Variants in ATXN7 observed in about 807,000 individuals in gnomAD.
ATXN7 encodes the protein ataxin 7.
ATXN7 carries 12 observed loss-of-function variants against 70.5 expected under a neutral mutation model. The observed-to-expected ratio is 0.17, with a 90% CI of 0.11 to 0.28. ATXN7 has a LOEUF of 0.28. ATXN7 is among the 10% of genes least tolerant of loss of function. The pLI, the probability that ATXN7 is intolerant of heterozygous loss-of-function variation, is 1.00. For synonymous variants in ATXN7, 498 were observed against 448.7 expected (o/e 1.11, Z -1.39); for missense variants, 1,256 against 1,131.7 (o/e 1.11, Z -1.58).
chr3:63,939,538 C>G (rs1283433085), intron 4 of ATXN7, among the ~76,000 whole-genome samples: 1 of 152,098 alleles, frequency 6.6e-6, no homozygotes, highest in African/African-American at 2.4e-5. Context: ...GAGTAAGGAC[C>G]TCCAAAAATC....
At chr3:63,912,394 C>T (rs1041655244) in intron 2 of ATXN7, among the ~76,000 whole-genome samples, 194 bp from the exon 3 acceptor site, 2 of 151,470 alleles carry the variant, frequency 1.3e-5, no homozygotes, top group African/African-American at 2.4e-5. Context: ...GAAAGCTAGC[C>T]CGCGCCGCGG....
chr3:63,981,698 T>C (rs756298518), intron 6 of ATXN7, among the ~76,000 whole-genome samples: 5 of 152,216 alleles, frequency 3.3e-5, no homozygotes, highest in African/African-American at 7.2e-5. Flanking sequence ...CTTGGAGATA[T>C]GTTATTTAGC....
At chr3:63,885,852 C>T (rs1009812302) in intron 1 of ATXN7, among the ~76,000 whole-genome samples, 23 of 152,030 alleles carry the variant, frequency 1.5e-4, no homozygotes, top group Non-Finnish European at 7.4e-5. Flanking sequence ...CCCATTTCTA[C>T]TAAAAATACA....
intron 2 of ATXN7, among the ~76,000 whole-genome samples, chr3:63,907,839 T>TA (rs1703894404): frequency 6.6e-6 from 1 of 152,178 alleles, no homozygotes; most frequent in Non-Finnish European, 1.5e-5. Flanking sequence ...AAGTTCGTCA[T>TA]AAAATTACAA....
At chr3:63,893,750 T>C (rs1205383477) in intron 1 of ATXN7, among the ~76,000 whole-genome samples, 1 of 152,180 alleles carries the variant, frequency 6.6e-6, no homozygotes, top group African/African-American at 2.4e-5. Flanking sequence ...TGATCTTCAG[T>C]GGAGTAACTC....
intron 5 of ATXN7, among the ~76,000 whole-genome samples, chr3:63,968,721 TAA>T: frequency 6.6e-6 from 1 of 152,202 alleles, no homozygotes; most frequent in East Asian, 1.9e-4. Context: ...CCAGCAGAGC[TAA>T]GCTGATTCTT....
At chr3:63,967,954 C>G in intron 5 of ATXN7, 1 of 1,535,914 alleles carries the variant, frequency 6.5e-7, no homozygotes, top group South Asian at 1.2e-5. Context: ...CCCTTCTGCG[C>G]AGGAGCTGAA....
chr3:63,991,678 G>C (rs1300892608), intron 11 of ATXN7, among the ~76,000 whole-genome samples: 1 of 152,168 alleles, frequency 6.6e-6, no homozygotes, highest in Non-Finnish European at 1.5e-5. Flanking sequence ...TTTCAGTGTT[G>C]AAGGTTTTAG....
chr3:63,988,990 G>A (rs1156767400), intron 9 of ATXN7, among the ~76,000 whole-genome samples: 1 of 152,156 alleles, frequency 6.6e-6, no homozygotes. Flanking sequence ...CTTCAGTGTT[G>A]GCCGTTCATT....
chr3:63,914,702 A>G (rs951201878), intron 4 of ATXN7, among the ~76,000 whole-genome samples: 2 of 152,224 alleles, frequency 1.3e-5, no homozygotes, highest in Admixed American at 1.3e-4. Flanking sequence ...GATTGTAATT[A>G]TCAATAATTC....
Position 63,998,166 on chromosome 3 carries a change from G to C in ATXN7, c.2662-1284G>C, listed in dbSNP as rs185061185. The stretch of plus-strand genomic sequence containing the variant: ...CTGTCTTCATTTAGACAGGAGTGTA[G>C]ATCTTAATGCCCACAAGTAACAAAA... On this transcript the variant is annotated intron_variant, in intron 12 of 12. Transcript: ENST00000674280. The C allele has an allele frequency of 6.3e-4, 560 of 895,300 alleles. 12 individuals carry two copies. In the Admixed American group the frequency reaches 0.042, roughly 67 times the overall value. 55.5% of individuals were successfully genotyped at this position (895,300 alleles called of 1,614,324 possible). A position where few individuals can be genotyped will look rare whatever the true frequency, so the allele number is the denominator to read the frequency against.
intron 2 of ATXN7, among the ~76,000 whole-genome samples, chr3:63,908,093 T>C (rs994694580): frequency 6.6e-6 from 1 of 152,216 alleles, no homozygotes; most frequent in African/African-American, 2.4e-5. Flanking sequence ...AATGAGTATG[T>C]GTACAGGTTG....
At chr3:63,912,980 T>TC in intron 3 of ATXN7, 57 bp downstream of exon 3, 1 of 785,360 alleles carries the variant, frequency 1.3e-6, no homozygotes, top group Non-Finnish European at 1.6e-6. Context: ...TCCTCTCTCC[T>TC]CCCCTCCCCC....
intron 9 of ATXN7, among the ~76,000 whole-genome samples, chr3:63,989,790 A>G (rs1559659664): frequency 6.6e-6 from 1 of 152,186 alleles, no homozygotes; most frequent in Non-Finnish European, 1.5e-5. Flanking sequence ...ATACCGAGGG[A>G]CAACTATGTT....
chr3:63,921,990 C>CA (rs1473067153), intron 4 of ATXN7, among the ~76,000 whole-genome samples: 2 of 152,128 alleles, frequency 1.3e-5, no homozygotes, highest in African/African-American at 4.8e-5. Context: ...TCTGGCATGA[C>CA]AGAGTGTAGC....
At chr3:63,958,862 C>T (rs1434466767) in intron 5 of ATXN7, among the ~76,000 whole-genome samples, 1 of 152,086 alleles carries the variant, frequency 6.6e-6, no homozygotes, top group Non-Finnish European at 1.5e-5. Context: ...ATATACCAAC[C>T]AGACCATCTT....
Position 63,996,465 on chromosome 3 carries a change from C to T in ATXN7, c.2643C>T (p.Asn881=), listed in dbSNP as rs374742012. 2 of 1,614,136 alleles carry T rather than the reference C, an allele frequency of 1.2e-6. No homozygotes were observed. The highest frequency in any genetic ancestry group is 1.1e-5 in the South Asian group (1 of 91,086). The change falls in exon 12 of 13, where the codon AAC becomes AAT. Residue 881 remains asparagine, a synonymous_variant. Coordinates refer to ENST00000674280, the MANE Select transcript of ATXN7 (RefSeq NM_001377405.1). Reference sequence around the variant, plus strand: ...TCCCAGGGGCACAAGGACTGATGAACAGTTCCCTCCTTCATCAGGTAGGAA... The same window carrying T: ...TCCCAGGGGCACAAGGACTGATGAATAGTTCCCTCCTTCATCAGGTAGGAA... ...GTIPGAQGLM[N]SSLLHQPKAR... is the part of the protein sequence containing the mutation.
intron 1 of ATXN7, chr3:63,864,700 T>G (rs1702354062): frequency 6.6e-6 from 1 of 152,186 alleles, no homozygotes; most frequent in Non-Finnish European, 1.5e-5. Flanking sequence ...TGCTTTTATT[T>G]TTCTCTTTGA....
chr3:63,915,018 C>T (rs975101653), intron 4 of ATXN7, among the ~76,000 whole-genome samples: 1 of 152,188 alleles, frequency 6.6e-6, no homozygotes, highest in African/African-American at 2.4e-5. Flanking sequence ...TCAGTGCAAC[C>T]TCCACCTCCC....
Sources: allele counts gnomAD v4.1 joint callset (sites outside exome capture counted in the v4.1 genomes callset), GRCh38; gene constraint gnomAD v4.1.1; transcripts MANE v1.5; gene names NCBI Gene and HGNC (gene_info 2026-07-23, HGNC 2026-07-21).